The following FBXL20 variants were observed in gnomAD, a reference collection of about 807,000 sequenced individuals.
FBXL20 encodes F-box and leucine rich repeat protein 20.
Under a neutral mutation model 64.0 loss-of-function variants are expected in FBXL20, and 11 were observed. The ratio of observed to expected loss-of-function variants is 0.17; its 90% CI spans 0.11 to 0.28. The LOEUF (loss-of-function observed/expected upper bound fraction) is 0.28. FBXL20 is among the 10% of genes least tolerant of loss of function. The probability of loss-of-function intolerance (pLI) is 1.00; values close to 1 mark genes in which losing one functional copy is unlikely to be tolerated. For synonymous variants in FBXL20, 184 were observed against 189.0 expected (o/e 0.97, Z 0.22); for missense variants, 303 against 526.2 (o/e 0.58, Z 4.15).
chr17:39,349,538 T>C (rs111278423), intron 1 of FBXL20, among the ~76,000 whole-genome samples: 12 of 150,868 alleles, frequency 8.0e-5, no homozygotes, highest in African/African-American at 2.7e-4. Context: ...CAGCAAGCAG[T>C]GTTTACACCA....
At chr17:39,391,303 G>C (rs571742119) in intron 1 of FBXL20, among the ~76,000 whole-genome samples, 1 of 149,534 alleles carries the variant, frequency 6.7e-6, no homozygotes, top group African/African-American at 2.5e-5. Context: ...AGCAGGAATC[G>C]AAAGCAGTAT....
At chr17:39,303,495 A>G in intron 3 of FBXL20, 90 bp downstream of exon 3, 1 of 1,054,810 alleles carries the variant, frequency 9.5e-7, no homozygotes, top group Middle Eastern at 2.1e-4. Context: ...CATACAAGTA[A>G]CACCTAAAAT....
At chr17:39,341,748 GC>G (rs1317798408) in intron 2 of FBXL20, among the ~76,000 whole-genome samples, 1 of 152,148 alleles carries the variant, frequency 6.6e-6, no homozygotes, top group African/African-American at 2.4e-5. Flanking sequence ...TTGTGCACCT[GC>G]CCTCAGCCTT....
At chr17:39,266,630 A>C (rs1170702285) in intron 12 of FBXL20, among the ~76,000 whole-genome samples, 1 of 152,192 alleles carries the variant, frequency 6.6e-6, no homozygotes, top group Non-Finnish European at 1.5e-5. Context: ...TACAGGAGTG[A>C]CCTACTATGC....
At chr17:39,356,438 C>T (rs1268597107) in intron 1 of FBXL20, among the ~76,000 whole-genome samples, 1 of 151,994 alleles carries the variant, frequency 6.6e-6, no homozygotes, top group East Asian at 1.9e-4. Context: ...TCACTGCAGC[C>T]TCAACTTCTT....
At position 39,260,133 on chromosome 17, in the gene FBXL20, G is replaced by A. The variant is rs1222472703; in HGVS notation, c.*1327C>T. On this transcript the variant is annotated 3_prime_UTR_variant, in exon 15 of 15. Transcript: ENST00000264658. ...GACCAGCTGTTATAGAGCCATTCTT[G>A]TATCCCTGAAAGGCTGAAATGGGGG... The A allele has an allele frequency of 6.6e-6, 1 of 151,878 alleles. No individual in the cohort carries two copies. The highest frequency in any genetic ancestry group is 2.4e-5 in the African/African-American group (1 of 41,344). The allele number at this position is 151,878 out of a possible 1,614,324, so 9.4% of individuals were successfully genotyped here.
chr17:39,284,676 G>A (rs1310698083), intron 7 of FBXL20, among the ~76,000 whole-genome samples: 1 of 152,080 alleles, frequency 6.6e-6, no homozygotes, highest in African/African-American at 2.4e-5. Flanking sequence ...GAGCCATCAC[G>A]CCTGGCCTCA....
intron 1 of FBXL20, among the ~76,000 whole-genome samples, chr17:39,393,715 T>A (rs1322341033): frequency 1.3e-5 from 2 of 152,320 alleles, no homozygotes; most frequent in Non-Finnish European, 2.9e-5. Context: ...ATAAGTAGGT[T>A]ACTTACTTAG....
chr17:39,305,108 G>A (rs538513865), intron 2 of FBXL20, among the ~76,000 whole-genome samples: 125 of 151,722 alleles, frequency 8.2e-4, no homozygotes, highest in Non-Finnish European at 1.3e-3. Context: ...AAGAAAAAAA[G>A]ATAATTTAAT....
chr17:39,307,464 T>G (rs545884443), intron 2 of FBXL20, among the ~76,000 whole-genome samples: 30 of 152,256 alleles, frequency 2.0e-4, no homozygotes, highest in Admixed American at 3.3e-4. Context: ...AACGAATGTT[T>G]GAAGATCAGA....
chr17:39,344,816 AAT>A (rs2047617350), intron 1 of FBXL20, among the ~76,000 whole-genome samples: 1 of 152,066 alleles, frequency 6.6e-6, no homozygotes, highest in Non-Finnish European at 1.5e-5. Context: ...AAAAAAGGAA[AAT>A]ATTCTCTTTC....
intron 14 of FBXL20, among the ~76,000 whole-genome samples, chr17:39,261,893 T>G (rs1167088220): frequency 1.3e-5 from 2 of 152,042 alleles, no homozygotes; most frequent in Non-Finnish European, 1.5e-5. Context: ...CCATCCAGGC[T>G]AACATGGTGA....
At chr17:39,323,160 G>A (rs2047374683) in intron 2 of FBXL20, among the ~76,000 whole-genome samples, 2 of 151,960 alleles carry the variant, frequency 1.3e-5, no homozygotes, top group African/African-American at 2.4e-5. Context: ...TAGTAGAGAT[G>A]GGGTTTTACC....
chr17:39,315,868 A>AGAGAGAGAGAGG (rs368094288), intron 2 of FBXL20, among the ~76,000 whole-genome samples: 5 of 144,516 alleles, frequency 3.5e-5, no homozygotes, highest in Admixed American at 7.0e-5. Flanking sequence ...AGAGAGAGAG[A>AGAGAGAGAGAGG]GAGCAACTGT....
rs1044325832 is a variant in FBXL20, at chr17:39,392,402, C to G, written c.42+8959G>C. Among the ~76,000 whole-genome samples the G allele has an allele frequency of 2.1e-5, 3 of 144,334 alleles. No individual in the cohort carries two copies. The South Asian group carries it at 6.4e-4, about 31-fold the overall frequency. The allele number at this position is 144,334 out of a possible 152,430, so 94.7% of individuals were successfully genotyped here. A position where few individuals can be genotyped will look rare whatever the true frequency, so the allele number is the denominator to read the frequency against. On this transcript the variant is annotated intron_variant, in intron 1 of 14. Transcript: ENST00000264658. ...TTGCAGTGAGCGAAGATCACACCAC[C>G]GAATCCCAGCCTGGGCAACAGAGTG...
chr17:39,365,664 AT>A (rs2047852601), intron 1 of FBXL20, among the ~76,000 whole-genome samples: 1 of 151,650 alleles, frequency 6.6e-6, no homozygotes, highest in Non-Finnish European at 1.5e-5. Context: ...ACACACTTTT[AT>A]TTTTTTCTTT....
rs2046668290 is a variant in FBXL20, at chr17:39,253,485, C to T, written c.*7975G>A. 6.6e-6 allele frequency: 1 copy of T among 152,382 alleles called. No individual in the cohort carries two copies. The highest frequency in any genetic ancestry group is 2.1e-4 in the South Asian group (1 of 4,832). 9.4% of individuals were successfully genotyped at this position (152,382 alleles called of 1,614,324 possible). A position where few individuals can be genotyped will look rare whatever the true frequency, so the allele number is the denominator to read the frequency against. ...AAGAAGGCCGCTCTCCTCTTACAGT[C>T]AACCTTTGGAGTGGGTAGTCACAGA... On this transcript the variant is annotated 3_prime_UTR_variant, in exon 15 of 15. Coordinates refer to ENST00000264658, the MANE Select transcript of FBXL20 (RefSeq NM_032875.3).
intron 2 of FBXL20, among the ~76,000 whole-genome samples, chr17:39,337,744 G>C (rs1197087630): frequency 1.3e-5 from 2 of 151,528 alleles, no homozygotes; most frequent in African/African-American, 2.4e-5. Flanking sequence ...GAGCGTCTCC[G>C]ACGGGCAGCC....
intron 1 of FBXL20, among the ~76,000 whole-genome samples, chr17:39,345,302 G>T (rs749027089): frequency 1.3e-5 from 2 of 152,160 alleles, no homozygotes; most frequent in African/African-American, 2.4e-5. Context: ...GACAAGAGAT[G>T]TAAGAGAGAA....
Sources: allele counts gnomAD v4.1 joint callset (sites outside exome capture counted in the v4.1 genomes callset), GRCh38; gene constraint gnomAD v4.1.1; transcripts MANE v1.5; gene names NCBI Gene and HGNC (gene_info 2026-07-23, HGNC 2026-07-21).